The following NUBPL variants were observed in gnomAD, a reference collection of about 807,000 sequenced individuals.
NUBPL encodes the protein iron-sulfur cluster transfer protein NUBPL.
A neutral mutation model predicts 45.7 loss-of-function variants in NUBPL; 31 were observed. The ratio of observed to expected loss-of-function variants is 0.68; its 90% CI spans 0.51 to 0.92. The LOEUF is 0.92. NUBPL is among the 40% of genes least tolerant of loss of function. The pLI is 0.00. For synonymous variants in NUBPL, 144 were observed against 140.9 expected, an observed-to-expected ratio of 1.02 and a Z score of -0.15; for missense variants, 401 against 398.7, an observed-to-expected ratio of 1.01 and a Z score of -0.05.
chr14:31,657,182 AAAG>A (rs2036160946), intron 4 of NUBPL, among the ~76,000 whole-genome samples: 1 of 152,170 alleles, frequency 6.6e-6, no homozygotes, highest in South Asian at 2.1e-4. Context: ...CCCAACATCC[AAAG>A]TTTTATTACC....
chr14:31,735,402 G>A (rs372632961), intron 6 of NUBPL, among the ~76,000 whole-genome samples: 2 of 152,140 alleles, frequency 1.3e-5, no homozygotes, highest in African/African-American at 4.8e-5. Context: ...AACCAAGGAC[G>A]AAACATACAC....
At chr14:31,807,988 G>C (rs1359926357) in intron 7 of NUBPL, among the ~76,000 whole-genome samples, 2 of 152,180 alleles carry the variant, frequency 1.3e-5, no homozygotes. Context: ...CTATATCTCT[G>C]TTTTGGTACC....
At chr14:31,671,052 T>C (rs933271922) in intron 4 of NUBPL, among the ~76,000 whole-genome samples, 1 of 152,218 alleles carries the variant, frequency 6.6e-6, no homozygotes, top group Non-Finnish European at 1.5e-5. Context: ...AATCTGTAAA[T>C]TGCCTTGGGG....
chr14:31,563,183 T>C (rs1246896875), intron 2 of NUBPL, among the ~76,000 whole-genome samples: 1 of 152,210 alleles, frequency 6.6e-6, no homozygotes, highest in Non-Finnish European at 1.5e-5. Flanking sequence ...CTAGAACCTT[T>C]TGGAGTACAT....
chr14:31,790,244 AT>A (rs2039355020), intron 7 of NUBPL, among the ~76,000 whole-genome samples: 1 of 152,138 alleles, frequency 6.6e-6, no homozygotes, highest in African/African-American at 2.4e-5. Flanking sequence ...AAATTACCCT[AT>A]TTTAGTTTGT....
intron 4 of NUBPL, among the ~76,000 whole-genome samples, chr14:31,624,952 T>G (rs535918442): frequency 1.3e-5 from 2 of 152,328 alleles, no homozygotes; most frequent in East Asian, 3.9e-4. Context: ...TATCCTCCAA[T>G]GCACAAGACA....
intron 4 of NUBPL, among the ~76,000 whole-genome samples, chr14:31,621,496 G>C (rs1232925788): frequency 6.6e-6 from 1 of 152,190 alleles, no homozygotes; most frequent in Non-Finnish European, 1.5e-5. Context: ...GGAGTGCACA[G>C]TTCCTCTTGG....
chr14:31,702,333 A>T (rs1477760183), intron 6 of NUBPL, among the ~76,000 whole-genome samples: 1 of 152,118 alleles, frequency 6.6e-6, no homozygotes, highest in African/African-American at 2.4e-5. Flanking sequence ...TAGGGGCATG[A>T]TTGATTGTCC....
chr14:31,654,062 A>G (rs1372362480), intron 4 of NUBPL: 2 of 455,174 alleles, frequency 4.4e-6, no homozygotes, highest in Non-Finnish European at 8.8e-6. Flanking sequence ...CATACTTGGT[A>G]CATACAGGTA....
At chr14:31,858,688 C>T (rs534365185) in intron 10 of NUBPL, among the ~76,000 whole-genome samples, 48 of 152,194 alleles carry the variant, frequency 3.2e-4, no homozygotes, top group African/African-American at 1.2e-3. Flanking sequence ...AAAATGCTTT[C>T]CTAAGATAAA....
intron 6 of NUBPL, among the ~76,000 whole-genome samples, chr14:31,784,887 T>C: frequency 6.6e-6 from 1 of 152,222 alleles, no homozygotes; most frequent in Non-Finnish European, 1.5e-5. Context: ...GTTTAATGGT[T>C]ATGGGAATGC....
At chr14:31,679,447 G>T (rs2036777724) in intron 6 of NUBPL, among the ~76,000 whole-genome samples, 1 of 152,040 alleles carries the variant, frequency 6.6e-6, no homozygotes, top group African/African-American at 2.4e-5. Context: ...TAATTTTTAT[G>T]TGTGAAATAA....
chr14:31,686,591 A>G (rs1282034033), intron 6 of NUBPL: 1 of 152,220 alleles, frequency 6.6e-6, no homozygotes, highest in Non-Finnish European at 1.5e-5. Flanking sequence ...GCCAGGTAAT[A>G]TGTTGGATGC....
At chr14:31,846,774 G>A (rs1211952327) in intron 9 of NUBPL, among the ~76,000 whole-genome samples, 183 bp downstream of exon 9, 1 of 152,062 alleles carries the variant, frequency 6.6e-6, no homozygotes, top group Non-Finnish European at 1.5e-5. Flanking sequence ...GGCTAACATG[G>A]TGAGACCCTG....
At chr14:31,633,842 A>G (rs2035409714) in intron 4 of NUBPL, among the ~76,000 whole-genome samples, 1 of 152,074 alleles carries the variant, frequency 6.6e-6, no homozygotes, top group African/African-American at 2.4e-5. Context: ...GCTCAGAAAA[A>G]CAACTTTAGG....
chr14:31,809,546 G>A (rs2039759022), intron 7 of NUBPL, among the ~76,000 whole-genome samples: 1 of 151,964 alleles, frequency 6.6e-6, no homozygotes, highest in Non-Finnish European at 1.5e-5. Flanking sequence ...TGTCAATTTT[G>A]TTGATCTTTT....
chr14:31,748,490 G>A (rs1489656751), intron 6 of NUBPL, among the ~76,000 whole-genome samples: 2 of 152,024 alleles, frequency 1.3e-5, no homozygotes, highest in Admixed American at 1.3e-4. Flanking sequence ...TTGTAGGTGT[G>A]TAGATATTTA....
intron 3 of NUBPL, among the ~76,000 whole-genome samples, chr14:31,597,574 A>G (rs1361862807): frequency 1.3e-5 from 2 of 152,180 alleles, no homozygotes; most frequent in South Asian, 2.1e-4. Flanking sequence ...TGGAAACATA[A>G]ACTTAAAAAG....
chr14:31,846,947 C>T (rs1410667566), intron 9 of NUBPL, among the ~76,000 whole-genome samples: 2 of 149,964 alleles, frequency 1.3e-5, no homozygotes, highest in African/African-American at 4.9e-5. Context: ...CAGAGTGAGA[C>T]TCCATCAAAA....
Sources: allele counts gnomAD v4.1 joint callset (sites outside exome capture counted in the v4.1 genomes callset), GRCh38; gene constraint gnomAD v4.1.1; transcripts MANE v1.5; gene names NCBI Gene and HGNC (gene_info 2026-07-23, HGNC 2026-07-21).